The following ANO6 variants were observed in gnomAD, a reference collection of about 807,000 sequenced individuals.
ANO6 encodes the protein anoctamin 6, also known as anoctamin-6.
Under a neutral mutation model 117.5 loss-of-function variants are expected in ANO6, and 106 were observed. The ratio of observed to expected loss-of-function variants is 0.90; its 90% CI spans 0.77 to 1.06. ANO6 has a LOEUF of 1.06. Ranked by LOEUF, ANO6 falls within the 50% of genes least tolerant of loss-of-function variation. The pLI is 0.00. For synonymous variants in ANO6, 367 were observed against 385.1 expected (o/e 0.95, Z 0.55); for missense variants, 955 against 1,121.1 (o/e 0.85, Z 2.12).
chr12:45,311,023 A>G (rs1939832260), intron 2 of ANO6, among the ~76,000 whole-genome samples: 2 of 151,940 alleles, frequency 1.3e-5, no homozygotes. Context: ...CTTTTTTTTC[A>G]ATGGAGGTTG....
chr12:45,376,452 C>G (rs1942021998), intron 9 of ANO6, among the ~76,000 whole-genome samples: 1 of 130,948 alleles, frequency 7.6e-6, no homozygotes, highest in African/African-American at 3.1e-5. Flanking sequence ...GGAACCAACC[C>G]AAATGTCCAA....
rs1253271748 is a variant in ANO6, at chr12:45,431,287, G to A, written c.*1976G>A. On this transcript the variant is annotated 3_prime_UTR_variant, in exon 20 of 20. Coordinates refer to ENST00000320560, the MANE Select transcript of ANO6 (RefSeq NM_001025356.3). ...TGCCACTGTTCCTCTCTTCACTCCT[G>A]AGATACTGCTTCTGGAAGCGGGTGT... 5 of 985,262 alleles carry A rather than the reference G, an allele frequency of 5.1e-6. No individual in the cohort carries two copies. The African/African-American group carries it at 7.0e-5, about 14-fold the overall frequency. 61.0% of individuals were successfully genotyped at this position (985,262 alleles called of 1,614,324 possible).
chr12:45,247,695 G>T lies in ANO6; in HGVS notation c.70+31304G>T, dbSNP rs1315476955. On this transcript the variant is annotated intron_variant, in intron 1 of 19. Transcript: ENST00000320560. Reference sequence around the variant, plus strand: ...TCTTCCTGGCTTGCAGATGACCACTGTGTCTCTCTGTTTCCACATGATGGA... The same window carrying T: ...TCTTCCTGGCTTGCAGATGACCACTTTGTCTCTCTGTTTCCACATGATGGA... Among the ~76,000 whole-genome samples the T allele has an allele frequency of 3.9e-5, 6 of 152,198 alleles. No homozygotes were observed. In the South Asian group the frequency reaches 1.2e-3, roughly 32 times the overall value.
At chr12:45,397,803 G>A (rs913774499) in intron 12 of ANO6, among the ~76,000 whole-genome samples, 9 of 152,126 alleles carry the variant, frequency 5.9e-5, no homozygotes, top group South Asian at 2.1e-4. Flanking sequence ...CTTGGACACC[G>A]TGGGGAACAT....
At chr12:45,231,470 G>C (rs950162944) in intron 1 of ANO6, among the ~76,000 whole-genome samples, 1 of 152,152 alleles carries the variant, frequency 6.6e-6, no homozygotes, top group Non-Finnish European at 1.5e-5. Context: ...TATCATTTGG[G>C]TAGGTGAGAG....
intron 8 of ANO6, among the ~76,000 whole-genome samples, chr12:45,361,953 T>A (rs1593013788): frequency 6.6e-6 from 1 of 152,092 alleles, no homozygotes; most frequent in Admixed American, 6.6e-5. Context: ...AGGTCTCTAG[T>A]TTTCTTATGT....
chr12:45,301,934 G>A, intron 1 of ANO6, 80 bp from the exon 2 acceptor site: 1 of 1,162,026 alleles, frequency 8.6e-7, no homozygotes, highest in Non-Finnish European at 1.3e-6. Flanking sequence ...ATAACCCGGT[G>A]CTGCTGATTT....
intron 15 of ANO6, among the ~76,000 whole-genome samples, chr12:45,405,226 T>C (rs549976616): frequency 6.6e-6 from 1 of 152,188 alleles, no homozygotes; most frequent in Non-Finnish European, 1.5e-5. Context: ...AACAAATATA[T>C]AAAATTGAGG....
chr12:45,269,329 T>C (rs1254939013), intron 1 of ANO6, among the ~76,000 whole-genome samples: 5 of 152,172 alleles, frequency 3.3e-5, no homozygotes. Flanking sequence ...TTTACCCAGA[T>C]GTGAGAAATA....
In ANO6 at chr12:45,430,143, G is replaced by C. The variant is rs1943599345; in HGVS notation, c.*832G>C. The C allele has an allele frequency of 2.6e-5, 26 of 985,272 alleles. No homozygotes were observed. Among genetic ancestry groups the C allele is most frequent in the Non-Finnish European group, 3.1e-5 (26 of 829,906 alleles). The allele number at this position is 985,272 out of a possible 1,614,324, so 61.0% of individuals were successfully genotyped here. ...ATCTGGATAATTAATCTTTTCTAAA[G>C]ATGTGTAGTTTCTTGGAAAACAGTG... On this transcript the variant is annotated 3_prime_UTR_variant, in exon 20 of 20. Transcript: ENST00000320560.
chr12:45,308,376 A>G (rs566720091), intron 2 of ANO6, among the ~76,000 whole-genome samples: 1 of 152,084 alleles, frequency 6.6e-6, no homozygotes, highest in Admixed American at 6.6e-5. Flanking sequence ...ATTTGATAGG[A>G]GATTGCGGAA....
At chr12:45,297,961 T>C (rs1369666065) in intron 1 of ANO6, among the ~76,000 whole-genome samples, 2 of 152,198 alleles carry the variant, frequency 1.3e-5, no homozygotes, top group African/African-American at 4.8e-5. Flanking sequence ...AAACGGAACC[T>C]TGTCTGGTTC....
chr12:45,420,381 G>A lies in ANO6; in HGVS notation c.2218-690G>A, dbSNP rs1943327590. Among the ~76,000 whole-genome samples, 5 of 152,142 alleles carry A rather than the reference G, an allele frequency of 3.3e-5. No individual in the cohort carries two copies. The South Asian group carries it at 1.0e-3, about 32-fold the overall frequency. On this transcript the variant is annotated intron_variant, in intron 17 of 19. Coordinates refer to ENST00000320560, the MANE Select transcript of ANO6 (RefSeq NM_001025356.3). ...CGTACCTATAATCCCAGCACTTGGA[G>A]AGGCTGAGAGGATTGCTTGAGGCCA... is the stretch of plus-strand genomic sequence containing the variant.
At chr12:45,394,017 G>A (rs1006983211) in intron 12 of ANO6, among the ~76,000 whole-genome samples, 1 of 152,126 alleles carries the variant, frequency 6.6e-6, no homozygotes, top group Non-Finnish European at 1.5e-5. Flanking sequence ...AACGTAAATG[G>A]GCTAAATGCC....
chr12:45,402,933 A>C (rs536973280), intron 13 of ANO6, 139 bp from the exon 14 acceptor site: 1 of 856,956 alleles, frequency 1.2e-6, no homozygotes, highest in Non-Finnish European at 1.8e-6. Flanking sequence ...TAAGGAATTC[A>C]AAACAGCTTA....
rs140077614 is a variant in ANO6, at chr12:45,266,658, G to A, written c.71-35356G>A. On this transcript the variant is annotated intron_variant, in intron 1 of 19. Transcript: ENST00000320560. ...AAAAACGTTAAAAAATTAGCTGAGC[G>A]TGGTAGCATGCACTTGTAGTTCGAG... 4.5e-3 allele frequency among the ~76,000 whole-genome samples: 685 copies of A among 152,208 alleles called. 7 individuals are homozygous for A. The highest frequency in any genetic ancestry group is 0.016 in the African/African-American group (654 of 41,536).
At position 45,407,555 on chromosome 12, in the gene ANO6, G is replaced by A. The variant is rs886946338; in HGVS notation, c.1881-1802G>A. Among the ~76,000 whole-genome samples, 5 of 137,488 alleles carry A rather than the reference G, an allele frequency of 3.6e-5. No homozygotes were observed. In the Admixed American group the frequency reaches 4.4e-4, roughly 12 times the overall value. 90.2% of individuals were successfully genotyped at this position (137,488 alleles called of 152,430 possible). Reference sequence around the variant, plus strand: ...CTTATCTCAGACCTTTTAGTTGGGAGCACAGGAAGCTGCACTACTCACAAG... The same window carrying A: ...CTTATCTCAGACCTTTTAGTTGGGAACACAGGAAGCTGCACTACTCACAAG... On this transcript the variant is annotated intron_variant, in intron 15 of 19. Coordinates refer to ENST00000320560, the MANE Select transcript of ANO6 (RefSeq NM_001025356.3).
chr12:45,281,759 C>A, intron 1 of ANO6, among the ~76,000 whole-genome samples: 1 of 152,192 alleles, frequency 6.6e-6, no homozygotes, highest in Non-Finnish European at 1.5e-5. Context: ...ACAGAAATAA[C>A]ATCTGTTTGT....
intron 15 of ANO6, among the ~76,000 whole-genome samples, chr12:45,407,411 C>T: frequency 6.7e-6 from 1 of 150,270 alleles, no homozygotes; most frequent in Non-Finnish European, 1.5e-5. Flanking sequence ...ATAGAAACCA[C>T]ACCCAGTGAC....
Sources: allele counts gnomAD v4.1 joint callset (sites outside exome capture counted in the v4.1 genomes callset), GRCh38; gene constraint gnomAD v4.1.1; transcripts MANE v1.5; gene names NCBI Gene and HGNC (gene_info 2026-07-23, HGNC 2026-07-21).